ZNRF2: variants seen among roughly 807,000 people sequenced by gnomAD.
ZNRF2 encodes the protein E3 ubiquitin-protein ligase ZNRF2.
In ZNRF2, 16 loss-of-function variants were observed where a neutral mutation model predicts 20.4. That is an observed-to-expected ratio of 0.79 (90% CI 0.53 to 1.19). The LOEUF is 1.19. Ranked by LOEUF, ZNRF2 falls within the 50% of genes most tolerant of loss-of-function variation. The pLI is 0.00. For missense variants in ZNRF2, 363 were observed against 332.4 expected (o/e 1.09, Z -0.72); for synonymous variants, 178 against 144.9 (o/e 1.23, Z -1.64).
At chr7:30,332,710 CT>C (rs202234310) in intron 2 of ZNRF2, among the ~76,000 whole-genome samples, 1,935 of 152,148 alleles carry the variant, frequency 0.013, 19 homozygotes, top group Non-Finnish European at 0.023. Flanking sequence ...TTGTTTCATT[CT>C]TTTTTTATGG....
At chr7:30,330,786 C>T (rs144271160) in intron 2 of ZNRF2, among the ~76,000 whole-genome samples, 3 of 151,024 alleles carry the variant, frequency 2.0e-5, no homozygotes, top group Non-Finnish European at 3.0e-5. Context: ...AAAAAGAAAA[C>T]TTGCCAGCTA....
In ZNRF2 at chr7:30,285,570, C is replaced by G; in HGVS notation, c.213C>G (p.Ala71=). The stretch of plus-strand genomic sequence containing the variant: ...GCGGCGCCGCGGCGGCCGCGGCGGC[C>G]CCGGCAGCCCCGGCGGCCCCGCGCA... ...ASGGAAAAAA[A]PAAPAAPRSR... Residue 71 remains alanine, a synonymous_variant, in exon 1 of 5, where the codon GCC becomes GCG. Transcript: ENST00000323037. 1 of 984,372 alleles carries G rather than the reference C, an allele frequency of 1.0e-6. No homozygotes were observed. Among genetic ancestry groups the G allele is most frequent in the Non-Finnish European group, 1.2e-6 (1 of 831,148 alleles). The allele number at this position is 984,372 out of a possible 1,614,324, so 61.0% of individuals were successfully genotyped here.
rs1448562870 is a variant in ZNRF2, at chr7:30,342,965, T to C, written c.566-12763T>C. 3.3e-5 allele frequency among the ~76,000 whole-genome samples: 5 copies of C among 152,246 alleles called. No homozygotes were observed. In the East Asian group the frequency reaches 9.6e-4, roughly 29 times the overall value. ...GATCAGAGGATGTTGTCTGTACTAGTTTTATATTTTCAAAATTTATTACTG... is the reference window on the plus strand; with the variant it reads ...GATCAGAGGATGTTGTCTGTACTAGCTTTATATTTTCAAAATTTATTACTG... On this transcript the variant is annotated intron_variant, in intron 2 of 4. Transcript: ENST00000323037.
rs145321677 is a variant in ZNRF2, at chr7:30,343,255, C to T, written c.566-12473C>T. The stretch of plus-strand genomic sequence containing the variant: ...ACTTGAGCCCAGGAATTGGAGGCTG[C>T]AGTGAGCTATAATCGCACCACTACA... On this transcript the variant is annotated intron_variant, in intron 2 of 4. Transcript: ENST00000323037. 5.2e-3 allele frequency among the ~76,000 whole-genome samples: 794 copies of T among 152,134 alleles called. 6 individuals are homozygous for T. Among genetic ancestry groups the T allele is most frequent in the South Asian group, 0.026 (123 of 4,806 alleles).
At chr7:30,336,972 G>T (rs1244339930) in intron 2 of ZNRF2, among the ~76,000 whole-genome samples, 1 of 152,048 alleles carries the variant, frequency 6.6e-6, no homozygotes, top group African/African-American at 2.4e-5. Flanking sequence ...TTGTATTATT[G>T]AAATATTTTG....
At chr7:30,338,327 G>T (rs1799747232) in intron 2 of ZNRF2, among the ~76,000 whole-genome samples, 1 of 150,780 alleles carries the variant, frequency 6.6e-6, no homozygotes, top group South Asian at 2.1e-4. Flanking sequence ...GAACACACAG[G>T]TTTGTTACAT....
chr7:30,285,625 G>A lies in ZNRF2; in HGVS notation c.268G>A (p.Val90Met), dbSNP rs1798768722. ...CTCCCTCGGCGGGGCCGTGGGGAGC[G>A]TGGCGTCGGGGGCCCGCGCGGCGCA... ...SRSLGGAVGS[V>M]ASGARAAQSP... Residue 90 changes from valine (V) to methionine (M), a missense_variant, in exon 1 of 5, where the codon GTG (valine) becomes ATG (methionine). Physicochemically the swap from Val to Met is conservative, Grantham distance 21 (BLOSUM62 1). Around this residue, in one of 2 missense-constraint regions of ZNRF2, gnomAD observed 302 missense variants for 231.5 expected, o/e 1.30. Coordinates refer to ENST00000323037, the MANE Select transcript of ZNRF2 (RefSeq NM_147128.4). 7 of 1,245,294 alleles carry A rather than the reference G, an allele frequency of 5.6e-6. No homozygotes were observed. Among genetic ancestry groups the A allele is most frequent in the African/African-American group, 1.6e-5 (1 of 62,748 alleles). 77.1% of individuals were successfully genotyped at this position (1,245,294 alleles called of 1,614,324 possible).
chr7:30,301,700 TAAAAAAAAAAA>T (rs61418583), intron 1 of ZNRF2, among the ~76,000 whole-genome samples: 1 of 115,700 alleles, frequency 8.6e-6, no homozygotes, highest in African/African-American at 3.1e-5. Flanking sequence ...AGGCTTTTTT[TAAAAAAAAAAA>T]AAAAAAAAAA....
Position 30,346,146 on chromosome 7 carries a change from GTT to G in ZNRF2, c.566-9572_566-9571del. Among the ~76,000 whole-genome samples, 2 of 38,174 alleles carry G rather than the reference GTT, an allele frequency of 5.2e-5. 1 individual carries two copies. Among genetic ancestry groups the G allele is most frequent in the African/African-American group, 1.3e-4 (2 of 15,940 alleles). 25.0% of individuals were successfully genotyped at this position (38,174 alleles called of 152,430 possible). ...TGTATATAGGATTTTTAATTTCAGTGTTTTTTTTTTTCTGTTAAGTCTGATTT... is the reference window on the plus strand; with the variant it reads ...TGTATATAGGATTTTTAATTTCAGTGTTTTTTTTTCTGTTAAGTCTGATTT... On this transcript the variant is annotated intron_variant, in intron 2 of 4. Transcript: ENST00000323037.
chr7:30,338,173 C>T (rs1187339122), intron 2 of ZNRF2, among the ~76,000 whole-genome samples: 1 of 151,934 alleles, frequency 6.6e-6, no homozygotes, highest in Non-Finnish European at 1.5e-5. Flanking sequence ...ATGAGTATGT[C>T]TGTGGATTGT....
In ZNRF2 at chr7:30,356,300, T is replaced by C. The variant is rs542976074; in HGVS notation, c.671+467T>C. On this transcript the variant is annotated intron_variant, in intron 3 of 4. Transcript: ENST00000323037. ...ATTTGGGGTTAAAAAAAAAAAAGTTTAAGGTAACCACAAAAAGAAAACTAT... is the reference window on the plus strand; with the variant it reads ...ATTTGGGGTTAAAAAAAAAAAAGTTCAAGGTAACCACAAAAAGAAAACTAT... Among the ~76,000 whole-genome samples, 3 of 151,628 alleles carry C rather than the reference T, an allele frequency of 2.0e-5. No individual in the cohort carries two copies. In the South Asian group the frequency reaches 6.2e-4, roughly 32 times the overall value.
At chr7:30,329,286 A>G (rs1401032609) in intron 2 of ZNRF2, among the ~76,000 whole-genome samples, 1 of 152,194 alleles carries the variant, frequency 6.6e-6, no homozygotes, top group African/African-American at 2.4e-5. Context: ...TCTTTGTATT[A>G]GGTACATACC....
chr7:30,334,665 A>G (rs1036491860), intron 2 of ZNRF2, among the ~76,000 whole-genome samples: 1 of 152,218 alleles, frequency 6.6e-6, no homozygotes, highest in South Asian at 2.1e-4. Context: ...TCCAAGTTAG[A>G]AGTCTATAAG....
In ZNRF2 at chr7:30,285,806, T is replaced by C; in HGVS notation, c.449T>C (p.Leu150Pro). The change falls in exon 1 of 5, where the codon CTC becomes CCC. Residue 150 changes from leucine to proline, a missense_variant. Leu to Pro is a moderately conservative substitution (Grantham distance 98, BLOSUM62 -3). This residue lies in a region of ZNRF2 where 302 missense variants were observed against 231.5 expected (regional missense o/e 1.30). Coordinates refer to ENST00000323037, the MANE Select transcript of ZNRF2 (RefSeq NM_147128.4). ...RLVIGSLPAH[L>P]SPHMFGGFKC... Reference sequence around the variant, plus strand: ...GTGATCGGCTCCTTACCAGCTCACCTCTCGCCGCACATGTTTGGAGGTACG... The same window carrying C: ...GTGATCGGCTCCTTACCAGCTCACCCCTCGCCGCACATGTTTGGAGGTACG... 1 of 1,525,860 alleles carries C rather than the reference T, an allele frequency of 6.6e-7. No individual in the cohort carries two copies. The highest frequency in any genetic ancestry group is 1.2e-5 in the South Asian group (1 of 80,192). 94.5% of individuals were successfully genotyped at this position (1,525,860 alleles called of 1,614,324 possible).
At chr7:30,335,885 T>C (rs1219134185) in intron 2 of ZNRF2, among the ~76,000 whole-genome samples, 1 of 151,876 alleles carries the variant, frequency 6.6e-6, no homozygotes, top group African/African-American at 2.4e-5. Flanking sequence ...GTAGGTGATG[T>C]GTTGGAAGGG....
At chr7:30,365,147 CTTTTTTTTTTTTTTT>C (rs533354831) in intron 4 of ZNRF2, among the ~76,000 whole-genome samples, 2 of 70,330 alleles carry the variant, frequency 2.8e-5, no homozygotes, top group African/African-American at 1.2e-4. Context: ...AGCTGATAAG[CTTTTTTTTTTTTTTT>C]TTTTTTTTTT....
intron 4 of ZNRF2, among the ~76,000 whole-genome samples, chr7:30,363,778 C>A (rs1346587913): frequency 6.6e-6 from 1 of 151,404 alleles, no homozygotes; most frequent in African/African-American, 2.4e-5. Flanking sequence ...TCACATTTCA[C>A]AAGTGCATTA....
chr7:30,347,587 C>G (rs1347593614), intron 2 of ZNRF2, among the ~76,000 whole-genome samples: 1 of 152,146 alleles, frequency 6.6e-6, no homozygotes, highest in Non-Finnish European at 1.5e-5. Context: ...GTGGTACATG[C>G]TTGTAGTCTC....
At chr7:30,292,709 A>G (rs1798933259) in intron 1 of ZNRF2, among the ~76,000 whole-genome samples, 1 of 152,172 alleles carries the variant, frequency 6.6e-6, no homozygotes, top group Non-Finnish European at 1.5e-5. Context: ...GGGTAAAAAC[A>G]TATTCAGGCA....
Sources: allele counts gnomAD v4.1 joint callset (sites outside exome capture counted in the v4.1 genomes callset), GRCh38; gene constraint gnomAD v4.1.1; regional missense constraint gnomAD v4.1.1; transcripts MANE v1.5; gene names NCBI Gene and HGNC (gene_info 2026-07-23, HGNC 2026-07-21).